Variants in OSTM1 observed in about 807,000 individuals in gnomAD.
The protein encoded by OSTM1 is osteoclastogenesis associated transmembrane protein 1.
Under a neutral mutation model 35.4 loss-of-function variants are expected in OSTM1, and 26 were observed. The observed-to-expected ratio is 0.73, with a 90% CI of 0.54 to 1.02. OSTM1 has a LOEUF of 1.02. OSTM1 is among the 50% of genes least tolerant of loss of function. The pLI is 0.00. For synonymous variants in OSTM1, 181 were observed against 165.0 expected, an observed-to-expected ratio of 1.10 and a Z score of -0.75; for missense variants, 366 against 409.6, an observed-to-expected ratio of 0.89 and a Z score of 0.92.
chr6:108,062,464 A>T (rs1772296084), intron 2 of OSTM1, among the ~76,000 whole-genome samples: 1 of 152,116 alleles, frequency 6.6e-6, no homozygotes, highest in South Asian at 2.1e-4. Context: ...CTGAAACTAC[A>T]GCAAGTGAAA....
chr6:108,074,659 C>A lies in OSTM1; in HGVS notation c.-8G>T, dbSNP rs967794449. 6.5e-7 allele frequency: 1 copy of A among 1,540,180 alleles called. No homozygotes were observed. On this transcript the variant is annotated 5_prime_UTR_variant, in exon 1 of 6. Coordinates refer to ENST00000193322, the MANE Select transcript of OSTM1 (RefSeq NM_014028.4). The stretch of plus-strand genomic sequence containing the variant: ...TGTCGGGCCCGGCTCCATCACCGGG[C>A]TCACACACCCCAGGGAGCCCACCGC...
Position 108,052,720 on chromosome 6 carries a change from C to T in OSTM1, c.616-1522G>A, listed in dbSNP as rs1772098550. On this transcript the variant is annotated intron_variant, in intron 3 of 5. Coordinates refer to ENST00000193322, the MANE Select transcript of OSTM1 (RefSeq NM_014028.4). Reference sequence around the variant, plus strand: ...AAAGTTGCAGACATTAGGATGAAATCACCTTTTGACAGACCAAGACAAAAT... The same window carrying T: ...AAAGTTGCAGACATTAGGATGAAATTACCTTTTGACAGACCAAGACAAAAT... Among the ~76,000 whole-genome samples, 4 of 152,182 alleles carry T rather than the reference C, an allele frequency of 2.6e-5. No homozygotes were observed. In the South Asian group the frequency reaches 8.3e-4, roughly 32 times the overall value.
chr6:108,068,515 T>C (rs1772420948), intron 1 of OSTM1, among the ~76,000 whole-genome samples: 2 of 152,270 alleles, frequency 1.3e-5, no homozygotes, highest in South Asian at 4.1e-4. Context: ...ATTAAAACCC[T>C]GGAAATCATC....
intron 5 of OSTM1, among the ~76,000 whole-genome samples, chr6:108,046,168 A>ATTTTTTT (rs750495431): frequency 2.1e-5 from 2 of 93,454 alleles, no homozygotes; most frequent in East Asian, 3.4e-4. Context: ...CGCCCAGCTA[A>ATTTTTTT]TTTTTTTTTT....
At chr6:108,072,888 G>A (rs1221032959) in intron 1 of OSTM1, among the ~76,000 whole-genome samples, 1 of 152,106 alleles carries the variant, frequency 6.6e-6, no homozygotes, top group Non-Finnish European at 1.5e-5. Context: ...TTCCCGAGTA[G>A]CTGGAACTAC....
In OSTM1 at chr6:108,074,681, C is replaced by T; in HGVS notation, c.-30G>A. 1 of 1,507,912 alleles carries T rather than the reference C, an allele frequency of 6.6e-7. No homozygotes were observed. Among genetic ancestry groups the T allele is most frequent in the Non-Finnish European group, 8.8e-7 (1 of 1,134,176 alleles). 93.4% of individuals were successfully genotyped at this position (1,507,912 alleles called of 1,614,324 possible). ...GGGCTCACACACCCCAGGGAGCCCA[C>T]CGCCGCCTCTCCGCCCCCAGCCGGC... On this transcript the variant is annotated 5_prime_UTR_variant, in exon 1 of 6. The change creates a new upstream start codon in the 5' untranslated region. Coordinates refer to ENST00000193322, the MANE Select transcript of OSTM1 (RefSeq NM_014028.4).
chr6:108,050,796 G>A (rs541287856), intron 4 of OSTM1, among the ~76,000 whole-genome samples: 1 of 152,240 alleles, frequency 6.6e-6, no homozygotes, highest in East Asian at 1.9e-4. Flanking sequence ...ACTCACTTAT[G>A]AAGTACCTAA....
intron 3 of OSTM1, 21 bp from the exon 4 acceptor site, chr6:108,051,219 G>A (rs1772067978): frequency 6.5e-7 from 1 of 1,546,758 alleles, no homozygotes; most frequent in Admixed American, 1.7e-5. Context: ...AAAGGCACAT[G>A]TAATATATAC....
chr6:108,054,450 C>T lies in OSTM1; in HGVS notation c.615+40G>A, dbSNP rs374453667. The T allele has an allele frequency of 5.5e-6, 5 of 914,848 alleles. No individual in the cohort carries two copies. The African/African-American group carries it at 6.7e-5, about 12-fold the overall frequency. 56.7% of individuals were successfully genotyped at this position (914,848 alleles called of 1,614,324 possible). ...TGGAACTGCACATTATTCCTTTGTA[C>T]AAGGCAGCATTTTAATTTTAAATAT... On this transcript the variant is annotated intron_variant, in intron 3 of 5. Coordinates refer to ENST00000193322, the MANE Select transcript of OSTM1 (RefSeq NM_014028.4).
chr6:108,061,841 C>G (rs898162726), intron 2 of OSTM1, among the ~76,000 whole-genome samples: 7 of 151,004 alleles, frequency 4.6e-5, no homozygotes, highest in African/African-American at 1.7e-4. Context: ...CCCCACTGAG[C>G]CAAAAAAAAA....
chr6:108,045,596 C>T (rs762506250), intron 5 of OSTM1, among the ~76,000 whole-genome samples: 11 of 151,556 alleles, frequency 7.3e-5, no homozygotes, highest in Non-Finnish European at 1.5e-4. Flanking sequence ...TTTTAATGAT[C>T]CTCAAAGAAA....
At chr6:108,073,992 TGGGGAA>T (rs1772535525) in intron 1 of OSTM1, among the ~76,000 whole-genome samples, 1 of 151,970 alleles carries the variant, frequency 6.6e-6, no homozygotes, top group Non-Finnish European at 1.5e-5. Context: ...GCAAGAGGGT[TGGGGAA>T]TCAGGACCCC....
chr6:108,046,168 ATTTTTTT>A (rs750495431), intron 5 of OSTM1, among the ~76,000 whole-genome samples: 24 of 93,456 alleles, frequency 2.6e-4, no homozygotes, highest in Middle Eastern at 5.6e-3. Flanking sequence ...CGCCCAGCTA[ATTTTTTT>A]TTTTTTTTTT....
intron 1 of OSTM1, among the ~76,000 whole-genome samples, chr6:108,072,665 A>AC (rs1419044804): frequency 6.6e-6 from 1 of 151,918 alleles, no homozygotes; most frequent in African/African-American, 2.4e-5. Context: ...AAAAAAAAAA[A>AC]AACATGCTCT....
At chr6:108,062,390 T>C (rs1453146569) in intron 2 of OSTM1, among the ~76,000 whole-genome samples, 2 of 152,180 alleles carry the variant, frequency 1.3e-5, no homozygotes, top group South Asian at 2.1e-4. Context: ...CAATTTAAGA[T>C]TATAAATGGT....
chr6:108,054,115 A>G (rs1439240459), intron 3 of OSTM1, among the ~76,000 whole-genome samples: 1 of 152,236 alleles, frequency 6.6e-6, no homozygotes, highest in Admixed American at 6.5e-5. Flanking sequence ...TCAGGCAAAG[A>G]ATAAACTTCC....
At chr6:108,055,727 C>G (rs114242429) in intron 2 of OSTM1, among the ~76,000 whole-genome samples, 3 of 152,310 alleles carry the variant, frequency 2.0e-5, no homozygotes, top group African/African-American at 7.2e-5. Context: ...CAGAATACTA[C>G]TACAGAAATT....
chr6:108,052,740 C>A (rs1360167378), intron 3 of OSTM1, among the ~76,000 whole-genome samples: 1 of 152,092 alleles, frequency 6.6e-6, no homozygotes, highest in Non-Finnish European at 1.5e-5. Flanking sequence ...CAGACCAAGA[C>A]AAAATAGAGA....
Position 108,049,308 on chromosome 6 carries a change from G to A in OSTM1, c.894C>T (p.Val298=), listed in dbSNP as rs369435638. ...VSVFILFLPV[V]FYLSSFLHSE... Reference sequence around the variant, plus strand: ...AGTGAAGAAAGCTACTAAGGTAGAAGACAACAGGTAGAAAGAGAATGAACA... The same window carrying A: ...AGTGAAGAAAGCTACTAAGGTAGAAAACAACAGGTAGAAAGAGAATGAACA... Residue 298 remains valine (V), a synonymous_variant, in exon 5 of 6, where the codon GTC becomes GTT. Coordinates refer to ENST00000193322, the MANE Select transcript of OSTM1 (RefSeq NM_014028.4). 6.2e-6 allele frequency: 10 copies of A among 1,613,046 alleles called. No individual in the cohort carries two copies. In the Admixed American group the frequency reaches 1.3e-4, roughly 22 times the overall value.
Sources: gnomAD v4.1 joint callset for allele counts (sites outside exome capture counted in the v4.1 genomes callset) on GRCh38, gnomAD v4.1.1 for gene constraint, MANE v1.5 for transcripts, NCBI Gene and HGNC (gene_info 2026-07-23, HGNC 2026-07-21) for gene names.